Variants in ERBB4 observed in about 807,000 individuals in gnomAD.
ERBB4 encodes the protein receptor tyrosine-protein kinase erbB-4.
A neutral mutation model predicts 158.0 loss-of-function variants in ERBB4; 42 were observed. The observed-to-expected ratio is 0.27, with a 90% confidence interval of 0.21 to 0.34. The LOEUF is 0.34. ERBB4 is among the 10% of genes least tolerant of loss of function. The pLI is 1.00. For synonymous variants in ERBB4, 583 were observed against 558.7 expected, an observed-to-expected ratio of 1.04 and a Z score of -0.61; for missense variants, 1,333 against 1,624.1, an observed-to-expected ratio of 0.82 and a Z score of 3.08.
chr2:212,424,532 T>C (rs1392795865), intron 1 of ERBB4, among the ~76,000 whole-genome samples: 1 of 152,146 alleles, frequency 6.6e-6, no homozygotes, highest in African/African-American at 2.4e-5. Flanking sequence ...AAAGAGAGCC[T>C]TGCTATTTTC....
intron 1 of ERBB4, among the ~76,000 whole-genome samples, chr2:212,161,308 C>T (rs1352534547): frequency 1.3e-5 from 2 of 151,814 alleles, no homozygotes; most frequent in African/African-American, 2.4e-5. Flanking sequence ...TGAAGTGTCC[C>T]CATACTAACA....
At chr2:212,191,752 CGTGTTATACATGTTATATATAACACGT>C (rs2082234380) in intron 1 of ERBB4, among the ~76,000 whole-genome samples, 1 of 137,996 alleles carries the variant, frequency 7.2e-6, no homozygotes, top group Non-Finnish European at 1.5e-5. Context: ...ACATATAACA[CGTGTTATACATGTTATATATAACACGT>C]GTGTTATATG....
At chr2:211,480,992 C>G (rs547011397) in intron 20 of ERBB4, among the ~76,000 whole-genome samples, 1 of 152,278 alleles carries the variant, frequency 6.6e-6, no homozygotes, top group South Asian at 2.1e-4. Flanking sequence ...CTCTATATAT[C>G]AGCATGACAT....
At position 211,643,066 on chromosome 2, in the gene ERBB4, G is replaced by A. The variant is rs186964056; in HGVS notation, c.1947-12472C>T. 3.4e-4 allele frequency among the ~76,000 whole-genome samples: 51 copies of A among 152,066 alleles called. 1 individual carries two copies. The highest frequency in any genetic ancestry group is 1.2e-3 in the African/African-American group (50 of 41,504). Reference sequence around the variant, plus strand: ...TTATCCCTCACCCTCACCACACTGCGTCCAAGTCCCAGGCTGACTGAAGCA... The same window carrying A: ...TTATCCCTCACCCTCACCACACTGCATCCAAGTCCCAGGCTGACTGAAGCA... On this transcript the variant is annotated intron_variant, in intron 16 of 27. Transcript: ENST00000342788.
At chr2:211,811,615 A>G (rs2076758864) in intron 3 of ERBB4, among the ~76,000 whole-genome samples, 1 of 152,112 alleles carries the variant, frequency 6.6e-6, no homozygotes, top group Non-Finnish European at 1.5e-5. Context: ...GTGTTTTCCA[A>G]CTTGGTTCCA....
chr2:211,834,691 C>G (rs888391121), intron 3 of ERBB4, among the ~76,000 whole-genome samples: 2 of 151,946 alleles, frequency 1.3e-5, no homozygotes, highest in Non-Finnish European at 2.9e-5. Flanking sequence ...CAGTACAAGG[C>G]CTGGAAACAG....
At chr2:211,438,643 G>A (rs966606292) in intron 20 of ERBB4, among the ~76,000 whole-genome samples, 4 of 152,112 alleles carry the variant, frequency 2.6e-5, no homozygotes, top group African/African-American at 9.7e-5. Context: ...CCACTTTAAA[G>A]GCAGCCAATT....
At chr2:211,745,247 T>C (rs1392210784) in intron 5 of ERBB4, among the ~76,000 whole-genome samples, 1 of 152,212 alleles carries the variant, frequency 6.6e-6, no homozygotes, top group Non-Finnish European at 1.5e-5. Context: ...CATATTGTTA[T>C]GGAATCTCTC....
chr2:212,446,774 T>G (rs73079462), intron 1 of ERBB4, among the ~76,000 whole-genome samples: 5,556 of 149,646 alleles, frequency 0.037, 361 homozygotes, highest in African/African-American at 0.13. Flanking sequence ...TTTTCTAAAA[T>G]CTGGTAATTT....
chr2:212,316,706 G>A (rs2087297660), intron 1 of ERBB4, among the ~76,000 whole-genome samples: 1 of 151,372 alleles, frequency 6.6e-6, no homozygotes, highest in African/African-American at 2.4e-5. Context: ...AGCTGAGCAA[G>A]CATCTTCCTA....
At chr2:211,654,563 G>A (rs918794091) in intron 16 of ERBB4, among the ~76,000 whole-genome samples, 3 of 152,080 alleles carry the variant, frequency 2.0e-5, no homozygotes, top group Non-Finnish European at 4.4e-5. Context: ...TACTAACTTC[G>A]TGAGGTTTTC....
At chr2:211,493,958 T>C (rs1478441219) in intron 20 of ERBB4, among the ~76,000 whole-genome samples, 3 of 152,096 alleles carry the variant, frequency 2.0e-5, no homozygotes, top group East Asian at 1.9e-4. Context: ...CCCTAATTTA[T>C]AGCATTTGCT....
intron 4 of ERBB4, among the ~76,000 whole-genome samples, chr2:211,752,857 G>A (rs2075174530): frequency 6.6e-6 from 1 of 152,074 alleles, no homozygotes; most frequent in African/African-American, 2.4e-5. Flanking sequence ...CTGTCTACTC[G>A]ATATTATGAG....
intron 5 of ERBB4, among the ~76,000 whole-genome samples, chr2:211,737,581 A>T (rs1486415978): frequency 6.6e-6 from 1 of 152,182 alleles, no homozygotes; most frequent in Admixed American, 6.5e-5. Context: ...CACTTTACGT[A>T]ATAGCTGTGC....
chr2:211,823,352 C>T (rs1210258360), intron 3 of ERBB4, among the ~76,000 whole-genome samples: 2 of 151,512 alleles, frequency 1.3e-5, no homozygotes, highest in African/African-American at 4.8e-5. Context: ...CAGACCCAAG[C>T]TTAATCTAGT....
At chr2:212,172,932 T>C (rs1464450) in intron 1 of ERBB4, among the ~76,000 whole-genome samples, 94,617 of 151,912 alleles carry the variant, frequency 0.62, 30,765 homozygotes, top group African/African-American at 0.72. Flanking sequence ...CATGTATCCC[T>C]GAACTTAGTT....
intron 4 of ERBB4, chr2:211,778,692 G>A (rs1258922505): frequency 1.3e-5 from 2 of 152,292 alleles, no homozygotes; most frequent in Non-Finnish European, 2.9e-5. Flanking sequence ...GAGCCTCTGT[G>A]AACCTGACCA....
chr2:212,525,465 T>C (rs1357945547), intron 1 of ERBB4, among the ~76,000 whole-genome samples: 1 of 152,032 alleles, frequency 6.6e-6, no homozygotes, highest in Non-Finnish European at 1.5e-5. Context: ...TTATGGAGAA[T>C]ATAGTCTGAA....
chr2:211,811,411 G>A (rs1225850598), intron 3 of ERBB4, among the ~76,000 whole-genome samples: 2 of 152,004 alleles, frequency 1.3e-5, no homozygotes, highest in East Asian at 1.9e-4. Context: ...TTCCCTTTGT[G>A]GGTAACCTGA....
Sources: allele counts gnomAD v4.1 joint callset (sites outside exome capture counted in the v4.1 genomes callset), GRCh38; gene constraint gnomAD v4.1.1; transcripts MANE v1.5; gene names NCBI Gene and HGNC (gene_info 2026-07-23, HGNC 2026-07-21).